Variants in ROBO2 observed in about 807,000 individuals in gnomAD.
ROBO2 encodes roundabout guidance receptor 2.
Under a neutral mutation model 160.8 loss-of-function variants are expected in ROBO2, and 53 were observed. The observed-to-expected ratio is 0.33, with a 90% CI of 0.26 to 0.41. The LOEUF (loss-of-function observed/expected upper bound fraction) is 0.41. Ranked by LOEUF, ROBO2 falls within the 10% of genes least tolerant of loss-of-function variation. The pLI is 1.00. For synonymous variants in ROBO2, 664 were observed against 611.7 expected (o/e 1.09, Z -1.26); for missense variants, 1,577 against 1,722.4 (o/e 0.92, Z 1.49).
At chr3:77,236,191 C>T (rs1043576317) in intron 2 of ROBO2, among the ~76,000 whole-genome samples, 2 of 152,156 alleles carry the variant, frequency 1.3e-5, no homozygotes, top group Non-Finnish European at 2.9e-5. Context: ...GCAACTTAAA[C>T]GTTTTCTAAT....
intron 2 of ROBO2, among the ~76,000 whole-genome samples, chr3:76,265,557 A>T (rs955637766): frequency 6.6e-6 from 1 of 152,204 alleles, no homozygotes; most frequent in African/African-American, 2.4e-5. Flanking sequence ...CTTCACCTTC[A>T]GAGGTGAAAA....
At chr3:77,277,168 C>CTTTG (rs1306239414) in intron 2 of ROBO2, among the ~76,000 whole-genome samples, 1 of 93,490 alleles carries the variant, frequency 1.1e-5, no homozygotes, top group Admixed American at 1.2e-4. Flanking sequence ...TTCTTTCTTT[C>CTTTG]TTTCTTTCTT....
intron 2 of ROBO2, among the ~76,000 whole-genome samples, chr3:76,010,922 AT>A (rs1392186041): frequency 2.0e-5 from 3 of 152,208 alleles, no homozygotes; most frequent in Admixed American, 2.0e-4. Context: ...AGTACAAAAT[AT>A]TGCCCAAAAT....
At chr3:76,824,078 G>A (rs940358075) in intron 2 of ROBO2, among the ~76,000 whole-genome samples, 4 of 152,126 alleles carry the variant, frequency 2.6e-5, no homozygotes, top group Non-Finnish European at 4.4e-5. Context: ...TTAGGGCAAC[G>A]TTGTCTTCTG....
chr3:75,986,528 A>C (rs2065420166), intron 2 of ROBO2, among the ~76,000 whole-genome samples: 1 of 150,462 alleles, frequency 6.6e-6, no homozygotes, highest in African/African-American at 2.4e-5. Flanking sequence ...ATTTTTTGGC[A>C]GTTTTTTAAA....
intron 2 of ROBO2, among the ~76,000 whole-genome samples, chr3:76,759,539 T>G (rs951431704): frequency 2.0e-5 from 3 of 151,782 alleles, no homozygotes; most frequent in Non-Finnish European, 2.9e-5. Context: ...TAGCACATAG[T>G]TGGATCTCCG....
At chr3:76,862,112 A>T (rs2070846359) in intron 2 of ROBO2, among the ~76,000 whole-genome samples, 1 of 152,044 alleles carries the variant, frequency 6.6e-6, no homozygotes, top group Non-Finnish European at 1.5e-5. Flanking sequence ...GGAAGGAAGA[A>T]AGGAAGGAAG....
intron 2 of ROBO2, among the ~76,000 whole-genome samples, chr3:76,961,229 A>G (rs2079626261): frequency 7.3e-6 from 1 of 137,536 alleles, no homozygotes; most frequent in Admixed American, 7.6e-5. Flanking sequence ...TACATTTGCT[A>G]TGCTAATGTG....
At chr3:77,130,816 C>T (rs543674463) in intron 2 of ROBO2, among the ~76,000 whole-genome samples, 1 of 152,084 alleles carries the variant, frequency 6.6e-6, no homozygotes, top group African/African-American at 2.4e-5. Flanking sequence ...TCAAAGTAAT[C>T]GCCATGATTT....
Position 77,595,192 on chromosome 3 carries a change from AC to A in ROBO2, c.2726+9del, listed in dbSNP as rs2094273133. On this transcript the variant is annotated intron_variant, in intron 18 of 25. Coordinates refer to ENST00000461745, the Ensembl canonical transcript of ROBO2. Reference sequence around the variant, plus strand: ...ACTAATGAGCAATGGAAGGTATGCTACGGAGATTGTTTCATTATTATTTTTA... The same window carrying A: ...ACTAATGAGCAATGGAAGGTATGCTAGGAGATTGTTTCATTATTATTTTTA... The A allele has an allele frequency of 6.2e-7, 1 of 1,602,682 alleles. No individual in the cohort carries two copies. Among genetic ancestry groups the A allele is most frequent in the Non-Finnish European group, 8.5e-7 (1 of 1,170,168 alleles).
chr3:76,592,576 G>A (rs540533616), intron 2 of ROBO2, among the ~76,000 whole-genome samples: 1 of 152,150 alleles, frequency 6.6e-6, no homozygotes, highest in African/African-American at 2.4e-5. Flanking sequence ...ATACCAACGT[G>A]TATTCCTCCA....
At chr3:77,360,596 G>A (rs1370809164) in intron 2 of ROBO2, among the ~76,000 whole-genome samples, 1 of 149,708 alleles carries the variant, frequency 6.7e-6, no homozygotes, top group Non-Finnish European at 1.5e-5. Context: ...AAAATGCTAG[G>A]AGTAATTTTT....
chr3:77,181,418 C>A (rs2150849060), intron 2 of ROBO2, among the ~76,000 whole-genome samples: 1 of 152,170 alleles, frequency 6.6e-6, no homozygotes, highest in South Asian at 2.1e-4. Flanking sequence ...ATGAATTCAC[C>A]AGTGACTGAG....
intron 2 of ROBO2, among the ~76,000 whole-genome samples, chr3:75,942,141 A>G (rs1948086388): frequency 6.6e-6 from 1 of 152,168 alleles, no homozygotes; most frequent in African/African-American, 2.4e-5. Flanking sequence ...GTTTACAGCT[A>G]CAGCTTTTAA....
chr3:76,735,351 C>T (rs962939712), intron 2 of ROBO2, among the ~76,000 whole-genome samples: 2 of 152,192 alleles, frequency 1.3e-5, no homozygotes, highest in African/African-American at 4.8e-5. Flanking sequence ...AAATCAAATA[C>T]TGCATGTTCT....
chr3:76,338,410 C>A (rs1032053513), intron 2 of ROBO2, among the ~76,000 whole-genome samples: 2 of 152,080 alleles, frequency 1.3e-5, no homozygotes, highest in African/African-American at 4.8e-5. Context: ...GATTTTCAGG[C>A]TCATACCTGA....
At chr3:76,033,764 C>T (rs2067007849) in intron 2 of ROBO2, among the ~76,000 whole-genome samples, 1 of 152,126 alleles carries the variant, frequency 6.6e-6, no homozygotes, top group African/African-American at 2.4e-5. Flanking sequence ...ACCCATTGGC[C>T]TCATTCACAC....
At chr3:77,194,241 G>C (rs533549486) in intron 2 of ROBO2, among the ~76,000 whole-genome samples, 40 of 152,176 alleles carry the variant, frequency 2.6e-4, no homozygotes, top group African/African-American at 9.4e-4. Flanking sequence ...AGATTCTCTG[G>C]GGGTCTCTCC....
At chr3:76,351,555 T>C (rs2074875639) in intron 2 of ROBO2, among the ~76,000 whole-genome samples, 2 of 152,110 alleles carry the variant, frequency 1.3e-5, no homozygotes, top group Non-Finnish European at 2.9e-5. Flanking sequence ...GGGATTCTGA[T>C]AGAATTTTCC....
Sources: gnomAD v4.1 joint callset for allele counts (sites outside exome capture counted in the v4.1 genomes callset) on GRCh38, gnomAD v4.1.1 for gene constraint, MANE v1.5 for transcripts, NCBI Gene and HGNC (gene_info 2026-07-23, HGNC 2026-07-21) for gene names.